Variants in EXOC3L4 observed in about 807,000 individuals in gnomAD.
EXOC3L4 encodes exocyst complex component 3-like protein 4.
Under a neutral mutation model 69.7 loss-of-function variants are expected in EXOC3L4, and 62 were observed. The ratio of observed to expected loss-of-function variants is 0.89; its 90% CI spans 0.72 to 1.10. The LOEUF (loss-of-function observed/expected upper bound fraction) is 1.10, where lower values mean the gene tolerates loss of function less well. EXOC3L4 is among the 50% of genes least tolerant of loss of function. The pLI, the probability that EXOC3L4 is intolerant of heterozygous loss-of-function variation, is 0.00. For missense variants in EXOC3L4, 1,087 were observed against 1,034.8 expected (o/e 1.05, Z -0.69); for synonymous variants, 502 against 464.2 (o/e 1.08, Z -1.05).
chr14:103,099,738 G>C (rs1166612722), intron 1 of EXOC3L4, among the ~76,000 whole-genome samples: 1 of 152,182 alleles, frequency 6.6e-6, no homozygotes, highest in Non-Finnish European at 1.5e-5. Flanking sequence ...GAGGGACCTG[G>C]AGGGCAGTGA....
At chr14:103,095,524 A>C (rs1246699391) in intron 1 of EXOC3L4, among the ~76,000 whole-genome samples, 1 of 152,148 alleles carries the variant, frequency 6.6e-6, no homozygotes, top group Non-Finnish European at 1.5e-5. Flanking sequence ...GGCAGAGAGG[A>C]TGGCCTGTGC....
chr14:103,108,817 G>A (rs1890733086), intron 11 of EXOC3L4, among the ~76,000 whole-genome samples: 1 of 152,158 alleles, frequency 6.6e-6, no homozygotes, highest in African/African-American at 2.4e-5. Context: ...TGAAAGCCAG[G>A]GGATTCTGAG....
At chr14:103,106,972 C>A in intron 8 of EXOC3L4, 73 bp downstream of exon 8, 1 of 1,226,828 alleles carries the variant, frequency 8.2e-7, no homozygotes, top group Non-Finnish European at 1.1e-6. Flanking sequence ...AGCCTGGGGG[C>A]CCAGGTCACA....
At position 103,104,985 on chromosome 14, in the gene EXOC3L4, G is replaced by A; in HGVS notation, c.1386-7G>A. On this transcript the variant is annotated splice_region_variant and splice_polypyrimidine_tract_variant and intron_variant, in intron 6 of 11. Coordinates refer to ENST00000688303, the MANE Select transcript of EXOC3L4 (RefSeq NM_001077594.2). Reference sequence around the variant, plus strand: ...GGTCCCCAAAGGCTCTGTGTATCCCGCCCCAGGTTTGAAAAGGCTTTTCTG... The same window carrying A: ...GGTCCCCAAAGGCTCTGTGTATCCCACCCCAGGTTTGAAAAGGCTTTTCTG... The A allele has an allele frequency of 6.2e-7, 1 of 1,611,734 alleles. No homozygotes were observed. The highest frequency in any genetic ancestry group is 1.7e-5 in the Admixed American group (1 of 59,824).
intron 3 of EXOC3L4, chr14:103,103,617 C>T (rs983364879): frequency 9.7e-6 from 3 of 309,982 alleles, no homozygotes; most frequent in Non-Finnish European, 1.8e-5. Flanking sequence ...GACCCGTGTC[C>T]GCCCTGCTGT....
rs150640215 is a variant in EXOC3L4 at position 103,096,900 on chromosome 14, T to A, written c.-17+2060T>A. The stretch of plus-strand genomic sequence containing the variant: ...TGATCAGGTGAAGGTGGATGGCAGG[T>A]GGGGAAGTGAGAGGGGACAAGCCCC... On this transcript the variant is annotated intron_variant, in intron 1 of 11. Coordinates refer to ENST00000688303, the MANE Select transcript of EXOC3L4 (RefSeq NM_001077594.2). Among the ~76,000 whole-genome samples, 730 of 152,142 alleles carry A rather than the reference T, an allele frequency of 4.8e-3. 5 individuals carry two copies. The highest frequency in any genetic ancestry group is 6.9e-3 in the Admixed American group (106 of 15,290).
chr14:103,100,847 C>G (rs1890148579), intron 2 of EXOC3L4, among the ~76,000 whole-genome samples: 1 of 151,946 alleles, frequency 6.6e-6, no homozygotes, highest in Non-Finnish European at 1.5e-5. Context: ...GCGATCCTCC[C>G]ACCTCAACTT....
In EXOC3L4 at chr14:103,100,692, A is replaced by G. The variant is rs1389580703; in HGVS notation, c.394+79A>G. 5.4e-6 allele frequency: 8 copies of G among 1,469,944 alleles called. No homozygotes were observed. In the South Asian group the frequency reaches 5.6e-5, roughly 10 times the overall value. The allele number at this position is 1,469,944 out of a possible 1,614,324, so 91.1% of individuals were successfully genotyped here. Reference sequence around the variant, plus strand: ...GGCAGCTCAGCTGAGGTTTCCGGAAAGGCTGTCCTCCCTAGCTCCCCAAAC... The same window carrying G: ...GGCAGCTCAGCTGAGGTTTCCGGAAGGGCTGTCCTCCCTAGCTCCCCAAAC... On this transcript the variant is annotated intron_variant, in intron 2 of 11. Coordinates refer to ENST00000688303, the MANE Select transcript of EXOC3L4 (RefSeq NM_001077594.2).
In EXOC3L4 at chr14:103,102,706, C is replaced by A. The variant is rs1427341574; in HGVS notation, c.983C>A (p.Ala328Glu). The change falls in exon 3 of 12, where the codon GCG (alanine) becomes GAG (glutamate). Residue 328 changes from alanine to glutamate, a missense_variant. By Grantham distance (107) the Ala-to-Glu change is moderately radical. Transcript: ENST00000688303. ...GTGGCCCAGCGCCTCCAGGAGCTCGCGCGCGACGCCCGCGGCTGCGAGCAG... is the reference window on the plus strand; with the variant it reads ...GTGGCCCAGCGCCTCCAGGAGCTCGAGCGCGACGCCCGCGGCTGCGAGCAG... ...SAVAQRLQEL[A>E]RDARGCEQLY... is the part of the protein sequence containing the mutation. The A allele has an allele frequency of 6.8e-7, 1 of 1,462,586 alleles. No individual in the cohort carries two copies. Among genetic ancestry groups the A allele is most frequent in the Non-Finnish European group, 9.0e-7 (1 of 1,111,572 alleles). The allele number at this position is 1,462,586 out of a possible 1,614,324, so 90.6% of individuals were successfully genotyped here.
At chr14:103,107,599 C>G (rs1180584251) in intron 9 of EXOC3L4, 32 bp from the exon 10 acceptor site, 1 of 1,599,800 alleles carries the variant, frequency 6.3e-7, no homozygotes, top group South Asian at 1.1e-5. Flanking sequence ...GGCTGTTGAC[C>G]CTGACCCTGA....
In EXOC3L4 at chr14:103,100,445, T is replaced by C. The variant is rs771463303; in HGVS notation, c.226T>C (p.Phe76Leu). The C allele has an allele frequency of 2.5e-6, 4 of 1,613,416 alleles. No homozygotes were observed. Among genetic ancestry groups the C allele is most frequent in the Non-Finnish European group, 1.7e-6 (2 of 1,179,940 alleles). Residue 76 changes from phenylalanine to leucine, a missense_variant, in exon 2 of 12, where the codon TTC becomes CTC. Physicochemically the swap from Phe to Leu is conservative, Grantham distance 22. Transcript: ENST00000688303. Reference sequence around the variant, plus strand: ...GGTCTCCAAGGAAGATACGGGCCTGTTCCGGCGAAGCTCCTGCTCCCTGTT... The same window carrying C: ...GGTCTCCAAGGAAGATACGGGCCTGCTCCGGCGAAGCTCCTGCTCCCTGTT... ...TQVSKEDTGLFRRSSCSLFRS... is the reference protein window; with the variant it reads ...TQVSKEDTGLLRRSSCSLFRS...
intron 2 of EXOC3L4, among the ~76,000 whole-genome samples, chr14:103,101,495 C>T (rs1054016428): frequency 6.6e-6 from 1 of 152,242 alleles, no homozygotes; most frequent in African/African-American, 2.4e-5. Context: ...CCCAGATATG[C>T]ATGGCCCTAG....
chr14:103,100,488 C>G lies in EXOC3L4; in HGVS notation c.269C>G (p.Ala90Gly). The change falls in exon 2 of 12, where the codon GCC becomes GGC. Residue 90 changes from alanine to glycine, a missense_variant. Ala to Gly is a moderately conservative substitution (Grantham distance 60). Coordinates refer to ENST00000688303, the MANE Select transcript of EXOC3L4 (RefSeq NM_001077594.2). The stretch of plus-strand genomic sequence containing the variant: ...TCCCTGTTCCGGTCCTTCCGGCAAG[C>G]CCTGAATGACGGCCCAGCTACCGGC... ...SCSLFRSFRQ[A>G]LNDGPATGHS... is the part of the protein sequence containing the mutation. 6.2e-7 allele frequency: 1 copy of G among 1,613,312 alleles called. No individual in the cohort carries two copies. The highest frequency in any genetic ancestry group is 8.5e-7 in the Non-Finnish European group (1 of 1,179,934).
intron 1 of EXOC3L4, among the ~76,000 whole-genome samples, chr14:103,098,214 A>T (rs575486184): frequency 5.9e-5 from 9 of 151,870 alleles, no homozygotes; most frequent in African/African-American, 1.9e-4. Context: ...GCCCCTCCTT[A>T]CCCGGCGCTC....
intron 1 of EXOC3L4, among the ~76,000 whole-genome samples, chr14:103,096,393 G>A (rs1889885585): frequency 1.2e-5 from 1 of 83,502 alleles, no homozygotes. Flanking sequence ...TGACGTTTTG[G>A]CAAGATTCTT....
At position 103,110,062 on chromosome 14, in the gene EXOC3L4, C is replaced by T. The variant is rs765272210; in HGVS notation, c.2008C>T (p.Arg670Cys). 1.8e-5 allele frequency: 29 copies of T among 1,600,726 alleles called. No individual in the cohort carries two copies. The highest frequency in any genetic ancestry group is 2.7e-5 in the African/African-American group (2 of 74,974). Residue 670 changes from arginine to cysteine, a missense_variant, in exon 12 of 12, where the codon CGC becomes TGC. Physicochemically the swap from Arg to Cys is radical, Grantham distance 180. Transcript: ENST00000688303. The part of the protein sequence containing the change: ...RDHILAILAL[R>C]RLGRQRNQHL... ...CCACATACTGGCCATTCTGGCGCTG[C>T]GCCGACTGGGCCGCCAGCGGAACCA...
At chr14:103,100,902 A>AT (rs34995113) in intron 2 of EXOC3L4, among the ~76,000 whole-genome samples, 2,307 of 131,386 alleles carry the variant, frequency 0.018, 78 homozygotes, top group African/African-American at 0.053. Context: ...CACCCGGCTA[A>AT]TTTTTTTTTT....
intron 2 of EXOC3L4, among the ~76,000 whole-genome samples, chr14:103,101,866 AG>A (rs1449498790): frequency 6.6e-6 from 1 of 152,230 alleles, no homozygotes; most frequent in African/African-American, 2.4e-5. Context: ...GGCGGAAGGT[AG>A]GGGTTGACCC....
rs1890242157 is a variant in EXOC3L4, at chr14:103,102,376, T to G, written c.653T>G (p.Val218Gly). The part of the protein sequence containing the change: ...AAALAELARV[V>G]SAEEEAHPSP... Reference sequence around the variant, plus strand: ...GCGCTGGCCGAGCTGGCCCGCGTGGTGAGCGCGGAGGAGGAAGCCCACCCT... The same window carrying G: ...GCGCTGGCCGAGCTGGCCCGCGTGGGGAGCGCGGAGGAGGAAGCCCACCCT... The change falls in exon 3 of 12, where the codon GTG becomes GGG. Residue 218 changes from valine (V) to glycine (G), a missense_variant. Physicochemically the swap from Val to Gly is moderately radical, Grantham distance 109 (BLOSUM62 -3). Transcript: ENST00000688303. 5.8e-6 allele frequency: 9 copies of G among 1,560,542 alleles called. No individual in the cohort carries two copies. The highest frequency in any genetic ancestry group is 7.8e-6 in the Non-Finnish European group (9 of 1,160,334).
Sources: allele counts gnomAD v4.1 joint callset (sites outside exome capture counted in the v4.1 genomes callset), GRCh38; gene constraint gnomAD v4.1.1; transcripts MANE v1.5; gene names NCBI Gene and HGNC (gene_info 2026-07-23, HGNC 2026-07-21).